The following SRPRB variants were observed in gnomAD, a reference collection of about 807,000 sequenced individuals.
SRPRB encodes the protein signal recognition particle receptor subunit beta.
A neutral mutation model predicts 31.9 loss-of-function variants in SRPRB; 20 were observed. The ratio of observed to expected loss-of-function variants is 0.63; its 90% CI spans 0.44 to 0.91. SRPRB has a LOEUF of 0.91. Ranked by LOEUF, SRPRB falls within the 40% of genes least tolerant of loss-of-function variation. The pLI, the probability that SRPRB is intolerant of heterozygous loss-of-function variation, is 0.00. For missense variants in SRPRB, 321 were observed against 324.9 expected, an observed-to-expected ratio of 0.99 and a Z score of 0.09; for synonymous variants, 146 against 132.8, an observed-to-expected ratio of 1.10 and a Z score of -0.68.
At chr3:133,797,240 A>G (rs1934990502) in intron 1 of SRPRB, among the ~76,000 whole-genome samples, 1 of 152,248 alleles carries the variant, frequency 6.6e-6, no homozygotes, top group Non-Finnish European at 1.5e-5. Context: ...TGTGTTAAAA[A>G]TTCATAGGAA....
upstream of SRPRB, among the ~76,000 whole-genome samples, chr3:133,804,830 T>G (rs1935121289): frequency 6.6e-6 from 1 of 152,252 alleles, no homozygotes; most frequent in Non-Finnish European, 1.5e-5. Context: ...ACTGACATCT[T>G]CATGTCTCTA....
In SRPRB at chr3:133,805,924, TTGCGGCAGGAGC is replaced by T; in HGVS notation, c.80_91del (p.Arg27_Leu30del). 6.2e-7 allele frequency: 1 copy of T among 1,614,086 alleles called. No homozygotes were observed. Among genetic ancestry groups the T allele is most frequent in the Admixed American group, 1.7e-5 (1 of 60,028 alleles). The stretch of plus-strand genomic sequence containing the variant: ...CACCTTCCAGCCCTACCTAGACACC[TTGCGGCAGGAGC>T]TGCAGCAGACGGACCCAACGCTGTT... On this transcript the variant is annotated inframe_deletion, in exon 1 of 7. Transcript: ENST00000678299.
At chr3:133,805,556 C>G (rs1935135858), upstream of SRPRB, 1 of 295,784 alleles carries the variant, frequency 3.4e-6, no homozygotes, top group Admixed American at 5.1e-5. Flanking sequence ...GCCATTCATT[C>G]ATTTTATTCA....
chr3:133,821,602 T>G (rs543223076), downstream of SRPRB: 106 of 152,308 alleles, frequency 7.0e-4, no homozygotes, highest in African/African-American at 2.5e-3. Context: ...TTGAGTTTGA[T>G]TCAAGGCCTA....
chr3:133,793,431 A>G (rs1934894573), intron 1 of SRPRB: 1 of 152,152 alleles, frequency 6.6e-6, no homozygotes, highest in South Asian at 2.1e-4. Flanking sequence ...AGGGCCCCTG[A>G]AGCATCCAAA....
intron 1 of SRPRB, among the ~76,000 whole-genome samples, chr3:133,799,193 G>A (rs1935025169): frequency 1.3e-5 from 2 of 152,134 alleles, no homozygotes; most frequent in Non-Finnish European, 2.9e-5. Flanking sequence ...AAACACATAT[G>A]TCCTTTATTC....
intron 3 of SRPRB, among the ~76,000 whole-genome samples, chr3:133,808,837 C>T (rs1935209205): frequency 6.8e-6 from 1 of 147,980 alleles, no homozygotes; most frequent in Non-Finnish European, 1.5e-5. Flanking sequence ...TGGCAGTGAG[C>T]CAAGATTGCG....
intron 5 of SRPRB, among the ~76,000 whole-genome samples, chr3:133,815,943 GCTAA>G (rs770252899): frequency 6.6e-6 from 1 of 152,104 alleles, no homozygotes; most frequent in Admixed American, 6.5e-5. Flanking sequence ...CCAAGTGACT[GCTAA>G]CTGATTTTTC....
At chr3:133,815,292 G>A (rs1252106666) in intron 4 of SRPRB, among the ~76,000 whole-genome samples, 1 of 152,022 alleles carries the variant, frequency 6.6e-6, no homozygotes, top group African/African-American at 2.4e-5. Context: ...TGTTACACAT[G>A]TGCATAGTTT....
chr3:133,813,464 C>A (rs943054748), intron 4 of SRPRB, among the ~76,000 whole-genome samples: 4 of 152,160 alleles, frequency 2.6e-5, no homozygotes, highest in Admixed American at 2.6e-4. Flanking sequence ...TAGTTTATTA[C>A]ATTATTTTCA....
At chr3:133,816,040 T>C (rs1935359959) in intron 5 of SRPRB, among the ~76,000 whole-genome samples, 1 of 152,236 alleles carries the variant, frequency 6.6e-6, no homozygotes, top group Non-Finnish European at 1.5e-5. Flanking sequence ...TGATATCAGA[T>C]GCACAGTTTT....
chr3:133,811,236 C>G (rs1935257015), intron 4 of SRPRB, 37 bp downstream of exon 4: 1 of 1,593,412 alleles, frequency 6.3e-7, no homozygotes. Flanking sequence ...TTGTCTAGGT[C>G]TGTATCTGTA....
chr3:133,796,783 T>G (rs1001549049), intron 1 of SRPRB: 2 of 152,186 alleles, frequency 1.3e-5, no homozygotes, highest in African/African-American at 4.8e-5. Flanking sequence ...CTTCTAGATG[T>G]TTAGAAGTGC....
At chr3:133,799,619 C>T (rs6794945) in intron 1 of SRPRB, among the ~76,000 whole-genome samples, 41,039 of 151,874 alleles carry the variant, frequency 0.27, 6,468 homozygotes, top group East Asian at 0.46. Flanking sequence ...AAGTGGCTCT[C>T]GGGGAGAAGT....
chr3:133,789,186 C>T (rs914502411), intron 1 of SRPRB: 6 of 152,220 alleles, frequency 3.9e-5, no homozygotes, highest in African/African-American at 1.4e-4. Context: ...AGTACTAAGC[C>T]CTCCTTAGAA....
At chr3:133,813,798 C>T (rs964632082) in intron 4 of SRPRB, among the ~76,000 whole-genome samples, 26 of 152,336 alleles carry the variant, frequency 1.7e-4, no homozygotes, top group East Asian at 9.6e-4. Flanking sequence ...TCTTTAATCC[C>T]GTAGGATATG....
At chr3:133,785,012 C>T (rs1576372079) in intron 1 of SRPRB, 1 of 78,658 alleles carries the variant, frequency 1.3e-5, no homozygotes, top group South Asian at 5.8e-4. Context: ...GTCAGCCCCC[C>T]GCCCGGCCAG....
At chr3:133,801,317 G>A (rs143014691), upstream of SRPRB, among the ~76,000 whole-genome samples, 5 of 152,260 alleles carry the variant, frequency 3.3e-5, no homozygotes, top group African/African-American at 7.2e-5. Context: ...AGTCAGTATC[G>A]CATGTCCTTC....
downstream of SRPRB, chr3:133,828,045 T>C: frequency 1.4e-6 from 1 of 700,106 alleles, no homozygotes; most frequent in Non-Finnish European, 2.6e-6. Flanking sequence ...AACACAAGGT[T>C]GCCTGTACCC....
Sources: allele counts gnomAD v4.1 joint callset (sites outside exome capture counted in the v4.1 genomes callset), GRCh38; gene constraint gnomAD v4.1.1; transcripts MANE v1.5; gene names NCBI Gene and HGNC (gene_info 2026-07-23, HGNC 2026-07-21).